Variants in CSMD1 observed in about 807,000 individuals in gnomAD.
The protein encoded by CSMD1 is CUB and sushi domain-containing protein 1.
CSMD1 carries 213 observed loss-of-function variants against 417.5 expected under a neutral mutation model. That is an observed-to-expected ratio of 0.51 (90% CI 0.46 to 0.57). The LOEUF (loss-of-function observed/expected upper bound fraction) is 0.57, where lower values mean the gene tolerates loss of function less well. Ranked by LOEUF, CSMD1 falls within the 20% of genes least tolerant of loss-of-function variation. The pLI, the probability that CSMD1 is intolerant of heterozygous loss-of-function variation, is 0.00. For synonymous variants in CSMD1, 2,862 were observed against 1,736.8 expected (o/e 1.65, Z -16.11); for missense variants, 6,923 against 4,529.7 (o/e 1.53, Z -15.17).
chr8:4,034,628 A>C (rs1007186943), intron 3 of CSMD1, among the ~76,000 whole-genome samples: 1 of 152,340 alleles, frequency 6.6e-6, no homozygotes, highest in African/African-American at 2.4e-5. Context: ...CTTACAGTCA[A>C]AGACACACGT....
Position 4,607,398 on chromosome 8 carries a change from A to C in CSMD1, c.302+29944T>G, listed in dbSNP as rs576249608. On this transcript the variant is annotated intron_variant, in intron 2 of 69. Coordinates refer to ENST00000635120, the MANE Select transcript of CSMD1 (RefSeq NM_033225.6). ...TACGGAGTAGTTGCTGGAGAATAGAAAATTGCAGGCAACAACTTCACGTGA... is the reference window on the plus strand; with the variant it reads ...TACGGAGTAGTTGCTGGAGAATAGACAATTGCAGGCAACAACTTCACGTGA... 2.0e-5 allele frequency among the ~76,000 whole-genome samples: 3 copies of C among 152,180 alleles called. No individual in the cohort carries two copies. In the East Asian group the frequency reaches 5.8e-4, roughly 29 times the overall value.
intron 1 of CSMD1, among the ~76,000 whole-genome samples, chr8:4,949,994 C>T (rs1311957856): frequency 6.6e-6 from 1 of 151,994 alleles, no homozygotes; most frequent in Non-Finnish European, 1.5e-5. Context: ...TCTAATTGGT[C>T]ACGACTATTG....
At chr8:3,182,840 A>ATG (rs1279802376) in intron 36 of CSMD1, among the ~76,000 whole-genome samples, 1 of 45,202 alleles carries the variant, frequency 2.2e-5, no homozygotes, top group South Asian at 1.1e-3. Flanking sequence ...CTTTATAAGA[A>ATG]GGTGTGTGTG....
At chr8:3,983,334 G>A (rs1814045445) in intron 5 of CSMD1, among the ~76,000 whole-genome samples, 1 of 151,998 alleles carries the variant, frequency 6.6e-6, no homozygotes, top group Non-Finnish European at 1.5e-5. Flanking sequence ...GTTTCACCGT[G>A]TTGGCCAGGA....
At chr8:3,923,385 T>G (rs916858586) in intron 5 of CSMD1, among the ~76,000 whole-genome samples, 2 of 152,210 alleles carry the variant, frequency 1.3e-5, no homozygotes, top group Non-Finnish European at 2.9e-5. Flanking sequence ...GCAATTTCCT[T>G]ATTATATCAT....
At chr8:4,636,500 T>G (rs886397220) in intron 2 of CSMD1, among the ~76,000 whole-genome samples, 3 of 152,192 alleles carry the variant, frequency 2.0e-5, no homozygotes, top group Non-Finnish European at 4.4e-5. Flanking sequence ...TCACTGAATA[T>G]ATTCTCTGAC....
intron 57 of CSMD1, among the ~76,000 whole-genome samples, chr8:2,968,557 G>T (rs1804169818): frequency 6.6e-6 from 1 of 152,174 alleles, no homozygotes; most frequent in South Asian, 2.1e-4. Context: ...TTGTACTGTG[G>T]AAAGTAAAAT....
In CSMD1 at chr8:3,354,795, T is replaced by C. The variant is rs1359474523; in HGVS notation, c.3304+4357A>G. On this transcript the variant is annotated intron_variant, in intron 21 of 69. Transcript: ENST00000635120. ...CAGTTTAGTGATATATATATATCAC[T>C]AAACTCTCTCTCTCTCTATATATAT... is the stretch of plus-strand genomic sequence containing the variant. Among the ~76,000 whole-genome samples the C allele has an allele frequency of 3.1e-5, 3 of 95,990 alleles. No homozygotes were observed. The East Asian group carries it at 1.0e-3, about 32-fold the overall frequency. 63.0% of individuals were successfully genotyped at this position (95,990 alleles called of 152,430 possible).
At chr8:4,826,849 C>T (rs1231152197) in intron 1 of CSMD1, among the ~76,000 whole-genome samples, 2 of 152,100 alleles carry the variant, frequency 1.3e-5, no homozygotes, top group African/African-American at 4.8e-5. Context: ...GTTATTAGTG[C>T]CAGCTGACGG....
At chr8:3,319,089 G>A (rs1433937888) in intron 23 of CSMD1, among the ~76,000 whole-genome samples, 1 of 152,162 alleles carries the variant, frequency 6.6e-6, no homozygotes, top group African/African-American at 2.4e-5. Context: ...AACTGGGGAT[G>A]TTTATGTGTC....
intron 3 of CSMD1, among the ~76,000 whole-genome samples, chr8:4,118,118 G>C (rs994617195): frequency 3.9e-5 from 6 of 152,214 alleles, no homozygotes; most frequent in African/African-American, 1.4e-4. Context: ...CAGGTGTACA[G>C]AATAGTGAGG....
chr8:4,873,288 A>T (rs1224691629), intron 1 of CSMD1, among the ~76,000 whole-genome samples: 2 of 152,146 alleles, frequency 1.3e-5, no homozygotes, highest in Non-Finnish European at 2.9e-5. Flanking sequence ...TATCTAAAAA[A>T]TGCCTTTTAA....
intron 2 of CSMD1, among the ~76,000 whole-genome samples, chr8:4,463,568 G>C (rs1799971732): frequency 6.6e-6 from 1 of 152,140 alleles, no homozygotes; most frequent in African/African-American, 2.4e-5. Flanking sequence ...ATAGGATCCA[G>C]AAATACAGAA....
intron 10 of CSMD1, among the ~76,000 whole-genome samples, chr8:3,559,110 C>T (rs1232102407): frequency 6.6e-6 from 1 of 152,204 alleles, no homozygotes; most frequent in Non-Finnish European, 1.5e-5. Context: ...TTTAACTTTG[C>T]TATCAACGCT....
chr8:3,344,500 G>A (rs537620039), intron 22 of CSMD1, among the ~76,000 whole-genome samples: 15 of 152,112 alleles, frequency 9.9e-5, no homozygotes, highest in Admixed American at 3.3e-4. Flanking sequence ...AGCAGTCCTC[G>A]CTCCCAATAA....
chr8:4,505,952 C>G (rs150851575), intron 2 of CSMD1, among the ~76,000 whole-genome samples: 2 of 152,124 alleles, frequency 1.3e-5, no homozygotes, highest in East Asian at 1.9e-4. Context: ...GTGCATGTCA[C>G]CACGCCTGGG....
intron 1 of CSMD1, among the ~76,000 whole-genome samples, chr8:4,716,167 G>A (rs1808642049): frequency 6.6e-6 from 1 of 152,166 alleles, no homozygotes; most frequent in Non-Finnish European, 1.5e-5. Context: ...ACACTTCAGC[G>A]AGGAATCCCC....
intron 3 of CSMD1, among the ~76,000 whole-genome samples, chr8:4,181,598 G>A (rs1020506553): frequency 6.6e-6 from 1 of 152,138 alleles, no homozygotes; most frequent in African/African-American, 2.4e-5. Context: ...GGAAAAGCTT[G>A]CTATAAGGCT....
intron 2 of CSMD1, among the ~76,000 whole-genome samples, chr8:4,514,433 A>C (rs529441169): frequency 5.3e-5 from 8 of 152,298 alleles, no homozygotes; most frequent in African/African-American, 1.7e-4. Flanking sequence ...TGAATGCCAC[A>C]GGAAAAGCCT....
Sources: allele counts gnomAD v4.1 joint callset (sites outside exome capture counted in the v4.1 genomes callset), GRCh38; gene constraint gnomAD v4.1.1; transcripts MANE v1.5; gene names NCBI Gene and HGNC (gene_info 2026-07-23, HGNC 2026-07-21).